PTPRG: variants seen among roughly 807,000 people sequenced by gnomAD.
PTPRG encodes the protein receptor-type tyrosine-protein phosphatase gamma.
In PTPRG, 102 loss-of-function variants were observed where a neutral mutation model predicts 165.3. The ratio of observed to expected loss-of-function variants is 0.62; its 90% CI spans 0.53 to 0.73. The LOEUF is 0.73. PTPRG is among the 30% of genes least tolerant of loss of function. The pLI is 0.00. For synonymous variants in PTPRG, 675 were observed against 669.5 expected (o/e 1.01, Z -0.13); for missense variants, 1,866 against 1,861.4 (o/e 1.00, Z -0.05).
chr3:61,624,405 C>T (rs930599211), intron 1 of PTPRG, among the ~76,000 whole-genome samples: 1 of 152,092 alleles, frequency 6.6e-6, no homozygotes, highest in African/African-American at 2.4e-5. Context: ...TTTTGGGCTT[C>T]CAGGAACACT....
chr3:62,213,673 G>A lies in PTPRG; in HGVS notation c.2156-5178G>A, dbSNP rs1027268020. On this transcript the variant is annotated intron_variant, in intron 12 of 29. Transcript: ENST00000474889. The surrounding 1 kb of genome is among the most constrained non-coding windows in gnomAD (Gnocchi z 4.4). ...TGCAGAATTGCCCATCTTGTGGCACGCTGCAGCTGTTGTACCGAAAGGCCT... is the reference window on the plus strand; with the variant it reads ...TGCAGAATTGCCCATCTTGTGGCACACTGCAGCTGTTGTACCGAAAGGCCT... Among the ~76,000 whole-genome samples the A allele has an allele frequency of 4.6e-5, 7 of 152,128 alleles. No homozygotes were observed. The highest frequency in any genetic ancestry group is 3.8e-4 in the East Asian group (2 of 5,196).
intron 2 of PTPRG, among the ~76,000 whole-genome samples, chr3:61,888,945 A>C (rs940521119): frequency 8.5e-5 from 13 of 152,132 alleles, no homozygotes; most frequent in Non-Finnish European, 2.9e-5. Flanking sequence ...CTTCTTTGTG[A>C]TTTGATTTGG....
chr3:61,613,544 C>G (rs965176337), intron 1 of PTPRG, among the ~76,000 whole-genome samples: 1 of 152,070 alleles, frequency 6.6e-6, no homozygotes, highest in Admixed American at 6.6e-5. Flanking sequence ...TAAAACCCAC[C>G]CAATTACAGT....
intron 12 of PTPRG, among the ~76,000 whole-genome samples, chr3:62,208,511 A>G (rs192051740): frequency 3.3e-5 from 5 of 152,280 alleles, no homozygotes; most frequent in Non-Finnish European, 7.4e-5. Flanking sequence ...TACTGACTGC[A>G]TCTTCTGGCT....
rs867636175 is a variant in PTPRG, at chr3:62,222,600, G to T, written c.2288+3617G>T. ...ATTTAACTCTGGAGCTCAGAAGTAG[G>T]ATCAGTACCATTGCCATCAAAACCT... On this transcript the variant is annotated intron_variant, in intron 13 of 29. Coordinates refer to ENST00000474889, the MANE Select transcript of PTPRG (RefSeq NM_002841.4). This position sits in a 1 kb window ranked among gnomAD's most constrained non-coding sequence, Gnocchi z 4.5. Among the ~76,000 whole-genome samples the T allele has an allele frequency of 4.6e-5, 7 of 152,262 alleles. No homozygotes were observed. In the South Asian group the frequency reaches 6.2e-4, roughly 14 times the overall value.
chr3:61,662,386 T>G (rs1702691064), intron 1 of PTPRG, among the ~76,000 whole-genome samples: 1 of 152,140 alleles, frequency 6.6e-6, no homozygotes, highest in Admixed American at 6.5e-5. Context: ...CTCCCACTGA[T>G]AGCCATATAA....
intron 2 of PTPRG, among the ~76,000 whole-genome samples, chr3:61,856,820 T>C (rs753406293): frequency 1.1e-4 from 17 of 152,178 alleles, no homozygotes; most frequent in African/African-American, 4.1e-4. Context: ...TAGAAAGTCT[T>C]ATGAGGAGGA....
chr3:61,672,167 C>A (rs1486112628), intron 1 of PTPRG, among the ~76,000 whole-genome samples: 1 of 144,362 alleles, frequency 6.9e-6, no homozygotes, highest in Non-Finnish European at 1.5e-5. Context: ...GTGATGGCGG[C>A]CGGGAAGAGG....
At chr3:61,643,214 C>A (rs1702110004) in intron 1 of PTPRG, among the ~76,000 whole-genome samples, 1 of 152,026 alleles carries the variant, frequency 6.6e-6, no homozygotes, top group South Asian at 2.1e-4. Context: ...TGCTTGACCC[C>A]ACAAGTTCAT....
chr3:61,630,828 C>T lies in PTPRG; in HGVS notation c.85+68456C>T, dbSNP rs147837952. 4.3e-3 allele frequency among the ~76,000 whole-genome samples: 655 copies of T among 152,100 alleles called. 18 individuals are homozygous for T. Among genetic ancestry groups the T allele is most frequent in the Admixed American group, 0.037 (559 of 15,282 alleles). On this transcript the variant is annotated intron_variant, in intron 1 of 29. Transcript: ENST00000474889. ...ATCCCAGCACTTTGGGAGGCAGAGG[C>T]GGGCAGATCATGAGGTCAGGAGTTC...
chr3:62,075,574 C>T (rs1043677726), intron 4 of PTPRG, among the ~76,000 whole-genome samples: 1 of 152,174 alleles, frequency 6.6e-6, no homozygotes, highest in African/African-American at 2.4e-5. Flanking sequence ...AAGAAAACTA[C>T]CCATCCTTCT....
At chr3:62,283,930 T>A (rs1016747704) in intron 28 of PTPRG, among the ~76,000 whole-genome samples, 5 of 151,742 alleles carry the variant, frequency 3.3e-5, no homozygotes, top group African/African-American at 1.2e-4. Flanking sequence ...GAAACATTAA[T>A]TAAATAGCAT....
chr3:61,709,736 T>C (rs1559567797), intron 1 of PTPRG, among the ~76,000 whole-genome samples: 1 of 152,190 alleles, frequency 6.6e-6, no homozygotes, highest in Non-Finnish European at 1.5e-5. Flanking sequence ...CTCTTGACTA[T>C]TACTCCTTCA....
At chr3:62,068,865 A>G (rs1265034638) in intron 4 of PTPRG, among the ~76,000 whole-genome samples, 1 of 152,214 alleles carries the variant, frequency 6.6e-6, no homozygotes, top group Non-Finnish European at 1.5e-5. Context: ...GGGCAAATGA[A>G]AACAGGAAAT....
rs371539304 is a variant in PTPRG, at chr3:61,748,915, T to C, written c.123T>C (p.Asn41=). Residue 41 remains asparagine (N), a synonymous_variant, in exon 2 of 30, where the codon AAT becomes AAC. Coordinates refer to ENST00000474889, the MANE Select transcript of PTPRG (RefSeq NM_002841.4). ...GCTACGTTGGGGCCCTGCACGAGAATAGACACGGCAGCGCAGTGCAGATCC... is the reference window on the plus strand; with the variant it reads ...GCTACGTTGGGGCCCTGCACGAGAACAGACACGGCAGCGCAGTGCAGATCC... The part of the protein sequence containing the change: ...TEGYVGALHE[N]RHGSAVQIRR... The C allele has an allele frequency of 1.2e-6, 2 of 1,613,610 alleles. No individual in the cohort carries two copies. Among genetic ancestry groups the C allele is most frequent in the Admixed American group, 1.7e-5 (1 of 59,950 alleles).
chr3:62,293,350 C>G lies in PTPRG; in HGVS notation c.*43C>G. On this transcript the variant is annotated 3_prime_UTR_variant, in exon 30 of 30. Coordinates refer to ENST00000474889, the MANE Select transcript of PTPRG (RefSeq NM_002841.4). The stretch of plus-strand genomic sequence containing the variant: ...CACTTAATTTGTAAACTTCTGAAGA[C>G]TGAGAACTTTTTTGAGGCCTTTTTT... The G allele has an allele frequency of 1.4e-6, 2 of 1,471,238 alleles. No individual in the cohort carries two copies. Among genetic ancestry groups the G allele is most frequent in the South Asian group, 1.5e-5 (1 of 64,690 alleles). 91.1% of individuals were successfully genotyped at this position (1,471,238 alleles called of 1,614,324 possible).
chr3:62,068,685 G>C (rs1204303466), intron 4 of PTPRG, among the ~76,000 whole-genome samples: 4 of 151,956 alleles, frequency 2.6e-5, no homozygotes, highest in Admixed American at 2.6e-4. Flanking sequence ...TTTGAGATAA[G>C]GTCTCCCTAT....
intron 9 of PTPRG, among the ~76,000 whole-genome samples, chr3:62,193,988 T>G (rs1699900398): frequency 6.6e-6 from 1 of 152,218 alleles, no homozygotes; most frequent in Non-Finnish European, 1.5e-5. Flanking sequence ...TTTTAAAGGC[T>G]GTCAGAATGA....
intron 3 of PTPRG, 47 bp from the exon 4 acceptor site, chr3:62,003,302 T>A: frequency 6.3e-7 from 1 of 1,578,178 alleles, no homozygotes; most frequent in Admixed American, 1.8e-5. Flanking sequence ...CTCCATTTGG[T>A]TTTGAAACTC....
Sources: allele counts gnomAD v4.1 joint callset (sites outside exome capture counted in the v4.1 genomes callset), GRCh38; gene constraint gnomAD v4.1.1; non-coding constraint Gnocchi (gnomAD v3.1); transcripts MANE v1.5; gene names NCBI Gene and HGNC (gene_info 2026-07-23, HGNC 2026-07-21).